NAV3: variants seen among roughly 807,000 people sequenced by gnomAD.
NAV3 encodes the protein neuron navigator 3.
A neutral mutation model predicts 244.7 loss-of-function variants in NAV3; 87 were observed. That is an observed-to-expected ratio of 0.36 (90% CI 0.30 to 0.42). The LOEUF (loss-of-function observed/expected upper bound fraction) is 0.42, where lower values mean the gene tolerates loss of function less well. Ranked by LOEUF, NAV3 falls within the 20% of genes least tolerant of loss-of-function variation. The pLI, the probability that NAV3 is intolerant of heterozygous loss-of-function variation, is 1.00. For missense variants in NAV3, 2,663 were observed against 2,893.3 expected (o/e 0.92, Z 1.83); for synonymous variants, 1,126 against 1,042.2 (o/e 1.08, Z -1.55).
chr12:77,723,070 T>C (rs577128568), intron 2 of NAV3, among the ~76,000 whole-genome samples: 166 of 152,122 alleles, frequency 1.1e-3, no homozygotes, highest in African/African-American at 3.9e-3. Flanking sequence ...TAAATGTTTT[T>C]CTACTATGTT....
chr12:77,794,793 G>A (rs946572266), intron 2 of NAV3, among the ~76,000 whole-genome samples: 1 of 152,068 alleles, frequency 6.6e-6, no homozygotes, highest in Non-Finnish European at 1.5e-5. Flanking sequence ...AGTATCTTTT[G>A]ATGTTATGTT....
intron 1 of NAV3, among the ~76,000 whole-genome samples, chr12:77,940,079 T>G (rs150023773): frequency 1.6e-4 from 24 of 152,324 alleles, no homozygotes; most frequent in African/African-American, 5.8e-4. Flanking sequence ...GAAGTTTTGC[T>G]TTGTCACAAG....
rs367821037 is a variant in NAV3, at chr12:77,802,064, A to C, written c.73-138255A>C. 3.3e-5 allele frequency among the ~76,000 whole-genome samples: 5 copies of C among 152,328 alleles called. No homozygotes were observed. The East Asian group carries it at 9.6e-4, about 29-fold the overall frequency. On this transcript the variant is annotated intron_variant, in intron 2 of 8. Transcript: ENST00000550042. ...CATTTTGAACATCTTTGGATTATAC[A>C]TATAGATACAAAAATGGATTACATC...
intron 2 of NAV3, among the ~76,000 whole-genome samples, chr12:77,821,235 G>A (rs972221764): frequency 6.6e-6 from 1 of 152,086 alleles, no homozygotes; most frequent in Non-Finnish European, 1.5e-5. Context: ...CTGGATGTTA[G>A]TTAGATCTGA....
At chr12:78,007,647 C>T (rs1566013744) in intron 8 of NAV3, among the ~76,000 whole-genome samples, 1 of 152,162 alleles carries the variant, frequency 6.6e-6, no homozygotes, top group Non-Finnish European at 1.5e-5. Context: ...TATTCCCTCT[C>T]TCATTCCCTG....
chr12:77,629,929 C>A (rs368865995), intron 2 of NAV3, among the ~76,000 whole-genome samples: 5 of 152,168 alleles, frequency 3.3e-5, no homozygotes, highest in African/African-American at 1.2e-4. Flanking sequence ...CTACTACCAA[C>A]ACCAGCATCC....
At position 78,177,260 on chromosome 12, in the gene NAV3, T is replaced by G. The variant is rs1423774304; in HGVS notation, c.5244T>G (p.His1748Gln). The G allele has an allele frequency of 1.4e-5, 23 of 1,613,474 alleles. No individual in the cohort carries two copies. Among genetic ancestry groups the G allele is most frequent in the Non-Finnish European group, 1.9e-5 (22 of 1,179,674 alleles). The change falls in exon 27 of 40, where the codon CAT (histidine) becomes CAG (glutamine). Residue 1748 changes from histidine to glutamine, a missense_variant. Around this residue, in one of 6 missense-constraint regions of NAV3, gnomAD observed 193 missense variants for 200.7 expected, o/e 0.96. Coordinates refer to ENST00000397909, the MANE Select transcript of NAV3 (RefSeq NM_001024383.2). ...SSLPASPKLP[H>Q]NAGDCGSASM... ...TTCCGGCATCCCCCAAGTTACCCCA[T>G]AATGCTGGTGACTGTGGCTCAGCAT...
chr12:77,952,554 A>G (rs958319171), intron 3 of NAV3, among the ~76,000 whole-genome samples: 11 of 152,036 alleles, frequency 7.2e-5, no homozygotes, highest in African/African-American at 2.7e-4. Flanking sequence ...CAGTCCTCCA[A>G]TTTTGTACTT....
chr12:78,201,304 T>C lies in NAV3; in HGVS notation c.6834+713T>C, dbSNP rs563650118. On this transcript the variant is annotated intron_variant, in intron 38 of 39. Transcript: ENST00000397909. ...TCAGGCTGGAATTGCTTTTTCCTTT[T>C]TTTCACATAATTTTTGACAAGTAGC... is the stretch of plus-strand genomic sequence containing the variant. Among the ~76,000 whole-genome samples the C allele has an allele frequency of 7.9e-5, 12 of 152,038 alleles. 1 individual carries two copies. In the East Asian group the frequency reaches 2.3e-3, roughly 30 times the overall value.
At chr12:77,802,667 C>G (rs1028411058) in intron 2 of NAV3, among the ~76,000 whole-genome samples, 1 of 151,830 alleles carries the variant, frequency 6.6e-6, no homozygotes, top group African/African-American at 2.4e-5. Context: ...TTCCACCTAG[C>G]TTTTTTTCTT....
chr12:78,076,703 G>A (rs1001764101), intron 12 of NAV3, among the ~76,000 whole-genome samples: 1 of 151,932 alleles, frequency 6.6e-6, no homozygotes, highest in East Asian at 1.9e-4. Flanking sequence ...AAAAACACAG[G>A]TATGAAAAGC....
At chr12:77,870,539 G>T (rs1880797791) in intron 1 of NAV3, among the ~76,000 whole-genome samples, 1 of 152,114 alleles carries the variant, frequency 6.6e-6, no homozygotes, top group African/African-American at 2.4e-5. Context: ...CGGGATAAAA[G>T]AGAAATACTG....
intron 17 of NAV3, among the ~76,000 whole-genome samples, chr12:78,127,679 A>G (rs938067382): frequency 6.6e-6 from 1 of 152,188 alleles, no homozygotes; most frequent in Non-Finnish European, 1.5e-5. Context: ...GATAGGTTGA[A>G]GGATGCTACA....
chr12:78,122,148 A>G lies in NAV3; in HGVS notation c.3958A>G (p.Thr1320Ala), dbSNP rs781100663. The stretch of plus-strand genomic sequence containing the variant: ...CTTCAATAAACCCTCAGACTTAACT[A>G]CAGATGTTATAAGCTTAAGTCACTC... ...PLFNKPSDLT[T>A]DVISLSHSLA... The change falls in exon 16 of 40, where the codon ACA becomes GCA. Residue 1320 changes from threonine (T) to alanine (A), a missense_variant. Coordinates refer to ENST00000397909, the MANE Select transcript of NAV3 (RefSeq NM_001024383.2). The G allele has an allele frequency of 6.2e-6, 10 of 1,613,976 alleles. No individual in the cohort carries two copies. In the South Asian group the frequency reaches 6.6e-5, roughly 11 times the overall value.
chr12:77,685,049 A>T (rs767849973), intron 2 of NAV3, among the ~76,000 whole-genome samples: 1 of 152,174 alleles, frequency 6.6e-6, no homozygotes, highest in Non-Finnish European at 1.5e-5. Context: ...TTTATACTAT[A>T]TCTTAATGTC....
chr12:77,773,034 A>G (rs763655649), intron 2 of NAV3, among the ~76,000 whole-genome samples: 8 of 152,174 alleles, frequency 5.3e-5, no homozygotes, highest in Admixed American at 1.3e-4. Flanking sequence ...CAATTTTTTA[A>G]TCATCATAAA....
intron 12 of NAV3, among the ~76,000 whole-genome samples, chr12:78,085,250 C>T (rs1566109996): frequency 6.6e-6 from 1 of 152,094 alleles, no homozygotes; most frequent in Non-Finnish European, 1.5e-5. Flanking sequence ...CTGTGAATTA[C>T]CTGCTGTGGC....
intron 22 of NAV3, among the ~76,000 whole-genome samples, chr12:78,158,566 T>C (rs1216026563): frequency 6.6e-6 from 1 of 152,174 alleles, no homozygotes; most frequent in Non-Finnish European, 1.5e-5. Context: ...TGGAATATTA[T>C]TTCTAACTGG....
intron 12 of NAV3, among the ~76,000 whole-genome samples, chr12:78,112,208 A>G (rs997360468): frequency 6.6e-6 from 1 of 152,196 alleles, no homozygotes; most frequent in Non-Finnish European, 1.5e-5. Flanking sequence ...AAAGAATCAA[A>G]TGACTCTGCC....
Sources: allele counts gnomAD v4.1 joint callset (sites outside exome capture counted in the v4.1 genomes callset), GRCh38; gene constraint gnomAD v4.1.1; regional missense constraint gnomAD v4.1.1; transcripts MANE v1.5; gene names NCBI Gene and HGNC (gene_info 2026-07-23, HGNC 2026-07-21).